HRAS: variants seen among roughly 807,000 people sequenced by gnomAD.
The protein encoded by HRAS is GTPase HRas.
Under a neutral mutation model 19.8 loss-of-function variants are expected in HRAS, and 11 were observed. The observed-to-expected ratio is 0.55, with a 90% CI of 0.35 to 0.92. The LOEUF is 0.92. Among genes scored for constraint, HRAS ranks in the 40% least tolerant of loss-of-function variants. HRAS has a pLI of 0.01. For synonymous variants in HRAS, 149 were observed against 105.5 expected, an observed-to-expected ratio of 1.41 and a Z score of -2.52; for missense variants, 204 against 255.9, an observed-to-expected ratio of 0.80 and a Z score of 1.38.
intron 1 of HRAS, 142 bp downstream of exon 1, chr11:535,274 G>A (rs1363466828): frequency 1.6e-5 from 2 of 125,442 alleles, no homozygotes; most frequent in African/African-American, 6.0e-5. Flanking sequence ...CGCGGGCCCC[G>A]CCCGGCCCCA....
chr11:535,027 C>T (rs1385300714), intron 1 of HRAS, among the ~76,000 whole-genome samples: 1 of 152,136 alleles, frequency 6.6e-6, no homozygotes. Flanking sequence ...GGGCTGAGGC[C>T]CCCGGCCTGG....
chr11:532,575 G>T, intron 5 of HRAS, 53 bp from the exon 6 acceptor site: 1 of 1,577,420 alleles, frequency 6.3e-7, no homozygotes, highest in Non-Finnish European at 8.6e-7. Context: ...ACCGGCAGGG[G>T]CGGGGAGCCG....
rs1254507057 is a variant in HRAS at position 533,597 on chromosome 11, C to T, written c.306G>A (p.Arg102=). ...TGGGCACGTCATCCGAGTCCTTCAC[C>T]CGTTTGATCTGCTCCCTGAGAGGTG... is the stretch of plus-strand genomic sequence containing the variant. The part of the protein sequence containing the change: ...DIHQYREQIK[R]VKDSDDVPMV... Residue 102 remains arginine, a synonymous_variant, in exon 4 of 6, where the codon CGG becomes CGA. Coordinates refer to ENST00000311189, the MANE Select transcript of HRAS (RefSeq NM_005343.4). The T allele has an allele frequency of 6.2e-7, 1 of 1,613,848 alleles. No individual in the cohort carries two copies. Among genetic ancestry groups the T allele is most frequent in the Non-Finnish European group, 8.5e-7 (1 of 1,179,988 alleles).
Position 533,779 on chromosome 11 carries a change from T to C in HRAS, c.277A>G (p.Ile93Val), listed in dbSNP as rs587782949. Residue 93 changes from isoleucine (I) to valine (V), a missense_variant, in exon 3 of 6, where the codon ATC becomes GTC. Ile to Val is a conservative substitution (Grantham distance 29). Transcript: ENST00000311189. ...AINNTKSFEDIHQYREQIKRV... is the reference protein window; with the variant it reads ...AINNTKSFEDVHQYREQIKRV... ...CACGGGGTTCACCTGTACTGGTGGA[T>C]GTCCTCAAAAGACTTGGTGTTGTTG... The C allele has an allele frequency of 2.5e-6, 4 of 1,613,210 alleles. No individual in the cohort carries two copies.
chr11:533,727 G>C (rs377442252), intron 3 of HRAS, 39 bp downstream of exon 3: 201 of 1,612,070 alleles, frequency 1.2e-4, no homozygotes, highest in Non-Finnish European at 1.6e-4. Flanking sequence ...GGCCCCACCT[G>C]TGCGGCGTGG....
At chr11:533,399 TGGGGCGGGGC>T in intron 4 of HRAS, 44 bp downstream of exon 4, 1 of 1,323,958 alleles carries the variant, frequency 7.6e-7, no homozygotes, top group East Asian at 2.4e-5. Flanking sequence ...GCTCCCTGGC[TGGGGCGGGGC>T]GGGGCGGGTC....
rs985664217 is a variant in HRAS, at chr11:535,527, G to C, written c.-165C>G. On this transcript the variant is annotated 5_prime_UTR_variant, in exon 1 of 6. Transcript: ENST00000311189. ...CATGGGCTCCGTCCGCGGCGGGTGC[G>C]GCTCGGGTTGCGGGCGCAGGGCACG... 6.8e-6 allele frequency: 1 copy of C among 147,982 alleles called. No homozygotes were observed. The highest frequency in any genetic ancestry group is 1.5e-5 in the Non-Finnish European group (1 of 66,118). 9.2% of individuals were successfully genotyped at this position (147,982 alleles called of 1,614,324 possible).
At chr11:534,572 C>T (rs1051051731) in intron 1 of HRAS, 197 bp from the exon 2 acceptor site, 17 of 581,638 alleles carry the variant, frequency 2.9e-5, no homozygotes, top group Non-Finnish European at 4.3e-5. Context: ...CCCACTTGCT[C>T]TTAATGACCC....
In HRAS at chr11:532,518, T is replaced by C; in HGVS notation, c.*10A>G. Reference sequence around the variant, plus strand: ...CATCCGGCACCTCCATGTCCTGAGCTTGTGCTGGGCGGGGCACAAGGGAGG... The same window carrying C: ...CATCCGGCACCTCCATGTCCTGAGCCTGTGCTGGGCGGGGCACAAGGGAGG... On this transcript the variant is annotated 3_prime_UTR_variant, in exon 6 of 6. Coordinates refer to ENST00000311189, the MANE Select transcript of HRAS (RefSeq NM_005343.4). 1.4e-6 allele frequency: 2 copies of C among 1,397,276 alleles called. No individual in the cohort carries two copies. The highest frequency in any genetic ancestry group is 2.5e-5 in the East Asian group (1 of 40,336). 86.6% of individuals were successfully genotyped at this position (1,397,276 alleles called of 1,614,324 possible). A position where few individuals can be genotyped will look rare whatever the true frequency, so the allele number is the denominator to read the frequency against.
Position 533,263 on chromosome 11 carries a change from C to G in HRAS, c.450+190G>C, listed in dbSNP as rs1410048560. ...CTCGCCTCCCTCACTGCCCTGCCGT[C>G]CCGGGAGACTTACAGCGCGAGGGGC... On this transcript the variant is annotated intron_variant, in intron 4 of 5. Coordinates refer to ENST00000311189, the MANE Select transcript of HRAS (RefSeq NM_005343.4). The G allele has an allele frequency of 3.2e-6, 5 of 1,571,174 alleles. No individual in the cohort carries two copies. The South Asian group carries it at 4.5e-5, about 14-fold the overall frequency.
chr11:534,637 T>C, intron 1 of HRAS: 1 of 472,308 alleles, frequency 2.1e-6, no homozygotes, highest in East Asian at 3.7e-5. Context: ...CTGAGCGCTC[T>C]CAACCACGCA....
At position 533,618 on chromosome 11, in the gene HRAS, A is replaced by C. The variant is rs766909143; in HGVS notation, c.291-6T>G. ...TCACCCGTTTGATCTGCTCCCTGAG[A>C]GGTGGAAAGCGAGAGCTGGCTACGG... On this transcript the variant is annotated splice_region_variant and splice_polypyrimidine_tract_variant and intron_variant, in intron 3 of 5. Transcript: ENST00000311189. 91 of 1,613,488 alleles carry C rather than the reference A, an allele frequency of 5.6e-5. No individual in the cohort carries two copies. The South Asian group carries it at 9.6e-4, about 17-fold the overall frequency.
At position 533,573 on chromosome 11, in the gene HRAS, G is replaced by A. The variant is rs200747280; in HGVS notation, c.330C>T (p.Pro110=). ...IKRVKDSDDV[P]MVLVGNKCDL... Reference sequence around the variant, plus strand: ...CACACTTGTTCCCCACCAGCACCATGGGCACGTCATCCGAGTCCTTCACCC... The same window carrying A: ...CACACTTGTTCCCCACCAGCACCATAGGCACGTCATCCGAGTCCTTCACCC... The change falls in exon 4 of 6, where the codon CCC becomes CCT. Residue 110 remains proline, a synonymous_variant. Coordinates refer to ENST00000311189, the MANE Select transcript of HRAS (RefSeq NM_005343.4). The A allele has an allele frequency of 1.5e-4, 241 of 1,613,764 alleles. No individual in the cohort carries two copies. The highest frequency in any genetic ancestry group is 2.0e-4 in the Non-Finnish European group (231 of 1,180,012).
At position 533,871 on chromosome 11, in the gene HRAS, T is replaced by G; in HGVS notation, c.185A>C (p.Glu62Ala). The part of the protein sequence containing the change: ...LLDILDTAGQ[E>A]EYSAMRDQYM... ...CTGGTCCCGCATGGCGCTGTACTCC[T>G]CCTGGCCGGCGGTATCCAGGATGTC... The change falls in exon 3 of 6, where the codon GAG (glutamate) becomes GCG (alanine). Residue 62 changes from glutamate (E) to alanine (A), a missense_variant. Glu to Ala is a moderately radical substitution (Grantham distance 107). Around this residue, in one of 4 missense-constraint regions of HRAS, gnomAD observed 51 missense variants for 79.0 expected, o/e 0.65. Transcript: ENST00000311189. 6.2e-7 allele frequency: 1 copy of G among 1,613,342 alleles called. No homozygotes were observed. Among genetic ancestry groups the G allele is most frequent in the Non-Finnish European group, 8.5e-7 (1 of 1,179,996 alleles).
chr11:533,052 C>T (rs1235736265), intron 4 of HRAS, among the ~76,000 whole-genome samples: 1 of 152,230 alleles, frequency 6.6e-6, no homozygotes, highest in Non-Finnish European at 1.5e-5. Context: ...AGCTACGGCC[C>T]GTGTCCCCAG....
rs1226399807 is a variant in HRAS, at chr11:533,474, C to G, written c.429G>C (p.Glu143Asp). ...TCACCTGCCGGGTCTTGGCCGAGGT[C>G]TCGATGTAGGGGATGCCGTAGCTTC... ...LARSYGIPYI[E>D]TSAKTRQGVE... The change falls in exon 4 of 6, where the codon GAG becomes GAC. Residue 143 changes from glutamate to aspartate, a missense_variant. Glu to Asp is a conservative substitution (Grantham distance 45). Transcript: ENST00000311189. The G allele has an allele frequency of 6.2e-7, 1 of 1,613,508 alleles. No homozygotes were observed. The highest frequency in any genetic ancestry group is 1.7e-5 in the Admixed American group (1 of 60,026).
At chr11:533,342 G>A in intron 4 of HRAS, 111 bp downstream of exon 4, 1 of 1,605,966 alleles carries the variant, frequency 6.2e-7, no homozygotes, top group South Asian at 1.1e-5. Flanking sequence ...GCTGGAGCTA[G>A]AGCCAGAGCG....
intron 4 of HRAS, chr11:533,146 G>C: frequency 1.2e-6 from 1 of 833,710 alleles, no homozygotes; most frequent in Non-Finnish European, 1.8e-6. Flanking sequence ...TCACCGCTCC[G>C]GCCTGGCTCA....
chr11:533,289 C>T (rs752854703), intron 4 of HRAS, 164 bp downstream of exon 4: 16 of 1,595,722 alleles, frequency 1.0e-5, no homozygotes, highest in Admixed American at 8.5e-5. Context: ...CGCGAGGGGC[C>T]GCTGGGTCAC....
Sources: allele counts gnomAD v4.1 joint callset (sites outside exome capture counted in the v4.1 genomes callset), GRCh38; gene constraint gnomAD v4.1.1; regional missense constraint gnomAD v4.1.1; transcripts MANE v1.5; gene names NCBI Gene and HGNC (gene_info 2026-07-23, HGNC 2026-07-21).